The following SCN2A variants were observed in gnomAD, a reference collection of about 807,000 sequenced individuals.
SCN2A encodes the protein sodium channel protein type 2 subunit alpha.
A neutral mutation model predicts 188.7 loss-of-function variants in SCN2A; 20 were observed. The ratio of observed to expected loss-of-function variants is 0.11; its 90% CI spans 0.07 to 0.15. SCN2A has a LOEUF of 0.15. Ranked by LOEUF, SCN2A falls within the 10% of genes least tolerant of loss-of-function variation. The probability of loss-of-function intolerance (pLI) is 1.00; values close to 1 mark genes in which losing one functional copy is unlikely to be tolerated. For synonymous variants in SCN2A, 804 were observed against 833.1 expected (o/e 0.97, Z 0.60); for missense variants, 1,278 against 2,445.0 (o/e 0.52, Z 10.07).
intron 17 of SCN2A, among the ~76,000 whole-genome samples, chr2:165,364,347 G>A (rs776666506): frequency 2.4e-4 from 36 of 152,116 alleles, no homozygotes; most frequent in African/African-American, 6.3e-4. Flanking sequence ...AGAATGGACC[G>A]ACCTGGCTAA....
At chr2:165,350,460 C>CTTTTTTTTTTTTTTTTTTTTTTTTT (rs796595702) in intron 16 of SCN2A, among the ~76,000 whole-genome samples, 1 of 77,934 alleles carries the variant, frequency 1.3e-5, no homozygotes, top group Admixed American at 1.6e-4. Context: ...GAACTGTTTT[C>CTTTTTTTTTTTTTTTTTTTTTTTTT]TTTCTTTTTT....
rs760704095 is a variant in SCN2A at position 165,308,820 on chromosome 2, C to A, written c.605+26C>A. 4 of 1,611,564 alleles carry A rather than the reference C, an allele frequency of 2.5e-6. No homozygotes were observed. The African/African-American group carries it at 5.3e-5, about 22-fold the overall frequency. On this transcript the variant is annotated intron_variant, in intron 5 of 26. Coordinates refer to ENST00000375437, the MANE Select transcript of SCN2A (RefSeq NM_001040142.2). Reference sequence around the variant, plus strand: ...GTAAGTATCTTAATACATTTTCTATCCTGGAAGAGTAAATCACTGGTGGGA... The same window carrying A: ...GTAAGTATCTTAATACATTTTCTATACTGGAAGAGTAAATCACTGGTGGGA...
intron 3 of SCN2A, among the ~76,000 whole-genome samples, chr2:165,303,422 C>T (rs555670022): frequency 1.3e-5 from 2 of 151,698 alleles, no homozygotes; most frequent in Non-Finnish European, 2.9e-5. Context: ...ACTACAGGCG[C>T]CCGCCACCAC....
chr2:165,326,757 G>T, intron 12 of SCN2A, 95 bp from the exon 13 acceptor site: 1 of 1,281,682 alleles, frequency 7.8e-7, no homozygotes, highest in Non-Finnish European at 1.1e-6. Flanking sequence ...AGAAAGCATG[G>T]TGTATATTTA....
Position 165,242,872 on chromosome 2 carries a change from A to G in SCN2A, c.-52+3232A>G, listed in dbSNP as rs189615765. Reference sequence around the variant, plus strand: ...ATAATGAGCAAAGCTGGTGTAACTCACTTTGGGTGGCCTGTTTTTCGAAAT... The same window carrying G: ...ATAATGAGCAAAGCTGGTGTAACTCGCTTTGGGTGGCCTGTTTTTCGAAAT... On this transcript the variant is annotated intron_variant, in intron 1 of 26. Transcript: ENST00000375437. Among the ~76,000 whole-genome samples the G allele has an allele frequency of 7.2e-5, 11 of 152,294 alleles. No individual in the cohort carries two copies. In the East Asian group the frequency reaches 2.1e-3, roughly 29 times the overall value.
intron 1 of SCN2A, among the ~76,000 whole-genome samples, chr2:165,289,564 C>A (rs1038542411): frequency 6.6e-6 from 1 of 151,922 alleles, no homozygotes; most frequent in African/African-American, 2.4e-5. Flanking sequence ...AAAACCTTCA[C>A]GTAATATATG....
intron 17 of SCN2A, among the ~76,000 whole-genome samples, chr2:165,363,110 C>A (rs1157907383): frequency 1.3e-5 from 2 of 152,100 alleles, no homozygotes; most frequent in Non-Finnish European, 2.9e-5. Flanking sequence ...TGTCTGGTGA[C>A]TTCTCCCAAT....
In SCN2A at chr2:165,389,140, C is replaced by T; in HGVS notation, c.5334C>T (p.Asn1778=). 2 of 1,614,108 alleles carry T rather than the reference C, an allele frequency of 1.2e-6. No individual in the cohort carries two copies. The highest frequency in any genetic ancestry group is 1.7e-6 in the Non-Finnish European group (2 of 1,180,012). ...VNMYIAVILE[N]FSVATEESAE... Reference sequence around the variant, plus strand: ...TGTACATCGCGGTCATCCTGGAGAACTTCAGTGTTGCTACTGAAGAAAGTG... The same window carrying T: ...TGTACATCGCGGTCATCCTGGAGAATTTCAGTGTTGCTACTGAAGAAAGTG... Residue 1778 remains asparagine, a synonymous_variant, in exon 27 of 27, where the codon AAC becomes AAT. Coordinates refer to ENST00000375437, the MANE Select transcript of SCN2A (RefSeq NM_001040142.2). The surrounding 1 kb of genome is among the most constrained non-coding windows in gnomAD (Gnocchi z 4.2).
chr2:165,292,110 G>A (rs1696243428), intron 1 of SCN2A, among the ~76,000 whole-genome samples: 1 of 152,148 alleles, frequency 6.6e-6, no homozygotes, highest in Non-Finnish European at 1.5e-5. Flanking sequence ...CTATGAGCTG[G>A]TAACATCAGC....
Position 165,297,064 on chromosome 2 carries a change from C to T in SCN2A, c.315C>T (p.Ala105=). ...GGAAAGCAATCTCTCGATTCAGTGC[C>T]ACCCCTGCCCTTTACATTTTAACTC... is the stretch of plus-strand genomic sequence containing the variant. ...NKGKAISRFS[A]TPALYILTPF... The change falls in exon 3 of 27, where the codon GCC becomes GCT. Residue 105 remains alanine (A), a synonymous_variant. Coordinates refer to ENST00000375437, the MANE Select transcript of SCN2A (RefSeq NM_001040142.2). The T allele has an allele frequency of 6.2e-7, 1 of 1,611,906 alleles. No individual in the cohort carries two copies. Among genetic ancestry groups the T allele is most frequent in the Non-Finnish European group, 8.5e-7 (1 of 1,178,560 alleles).
intron 18 of SCN2A, 25 bp downstream of exon 18, chr2:165,365,288 G>A: frequency 6.2e-7 from 1 of 1,612,572 alleles, no homozygotes; most frequent in Non-Finnish European, 8.5e-7. Context: ...AACATATGTG[G>A]TCTTGAGTAT....
At chr2:165,326,616 T>C (rs561500423) in intron 12 of SCN2A, among the ~76,000 whole-genome samples, 2 of 152,298 alleles carry the variant, frequency 1.3e-5, no homozygotes, top group African/African-American at 4.8e-5. Context: ...CCCAAATCCC[T>C]GGGATAGAGG....
chr2:165,388,531 G>T, intron 26 of SCN2A, 98 bp from the exon 27 acceptor site: 1 of 1,516,856 alleles, frequency 6.6e-7, no homozygotes. Context: ...GTACCTAACT[G>T]TCCTGTTCAC....
chr2:165,274,658 T>C (rs992662039), intron 1 of SCN2A, among the ~76,000 whole-genome samples: 1 of 152,240 alleles, frequency 6.6e-6, no homozygotes, highest in African/African-American at 2.4e-5. Context: ...GAATCCCTTT[T>C]CTAATCTTTT....
chr2:165,370,033 C>T (rs1700943776), intron 19 of SCN2A, 93 bp from the exon 20 acceptor site: 1 of 1,102,378 alleles, frequency 9.1e-7, no homozygotes, highest in Non-Finnish European at 1.3e-6. Context: ...CCTTAGGCAC[C>T]TGATAAGAGC....
In SCN2A at chr2:165,295,797, C is replaced by T. The variant is rs1267881823; in HGVS notation, c.-27C>T. ...GCACTTTCTTATGCAAGGAGCTAAA[C>T]AGTGATTAAAGGAGCAGGATGAAAA... is the stretch of plus-strand genomic sequence containing the variant. On this transcript the variant is annotated 5_prime_UTR_variant, in exon 2 of 27. It introduces an in-frame stop codon into an upstream open reading frame of the 5' UTR. Coordinates refer to ENST00000375437, the MANE Select transcript of SCN2A (RefSeq NM_001040142.2). The T allele has an allele frequency of 9.3e-6, 15 of 1,613,746 alleles. No homozygotes were observed. Among genetic ancestry groups the T allele is most frequent in the Admixed American group, 3.3e-5 (2 of 59,982 alleles).
intron 13 of SCN2A, among the ~76,000 whole-genome samples, chr2:165,330,780 A>G (rs991774056): frequency 5.9e-5 from 9 of 152,120 alleles, no homozygotes; most frequent in Admixed American, 2.0e-4. Context: ...AGAAATGTAG[A>G]GAGATGGAAC....
intron 19 of SCN2A, among the ~76,000 whole-genome samples, chr2:165,367,858 G>A (rs1700810202): frequency 6.6e-6 from 1 of 152,186 alleles, no homozygotes; most frequent in African/African-American, 2.4e-5. Context: ...GGCACTGCAA[G>A]AGTGAACTCC....
intron 4 of SCN2A, among the ~76,000 whole-genome samples, chr2:165,308,357 A>C (rs1024779698): frequency 2.6e-5 from 4 of 152,090 alleles, no homozygotes; most frequent in Admixed American, 2.6e-4. Flanking sequence ...TTTTTGTATT[A>C]ATACCTATTT....
Sources: allele counts gnomAD v4.1 joint callset (sites outside exome capture counted in the v4.1 genomes callset), GRCh38; gene constraint gnomAD v4.1.1; non-coding constraint Gnocchi (gnomAD v3.1); transcripts MANE v1.5; gene names NCBI Gene and HGNC (gene_info 2026-07-23, HGNC 2026-07-21).